TSPOAP1: variants seen among roughly 807,000 people sequenced by gnomAD.
TSPOAP1 encodes the protein TSPO associated protein 1.
Under a neutral mutation model 197.0 loss-of-function variants are expected in TSPOAP1, and 87 were observed. The ratio of observed to expected loss-of-function variants is 0.44; its 90% CI spans 0.37 to 0.53. The LOEUF (loss-of-function observed/expected upper bound fraction) is 0.53. Ranked by LOEUF, TSPOAP1 falls within the 20% of genes least tolerant of loss-of-function variation. The pLI, the probability that TSPOAP1 is intolerant of heterozygous loss-of-function variation, is 0.00. For missense variants in TSPOAP1, 2,174 were observed against 2,411.3 expected (o/e 0.90, Z 2.06); for synonymous variants, 913 against 998.9 (o/e 0.91, Z 1.62).
chr17:58,318,530 A>T, intron 13 of TSPOAP1, 78 bp from the exon 14 acceptor site: 1 of 1,427,538 alleles, frequency 7.0e-7, no homozygotes, highest in Non-Finnish European at 9.4e-7. Context: ...CTTCTTGGAT[A>T]TGGGGACCAG....
Position 58,322,034 on chromosome 17 carries a change from G to A in TSPOAP1, c.1422+274C>T, listed in dbSNP as rs1427242440. On this transcript the variant is annotated intron_variant, in intron 10 of 31. Transcript: ENST00000343736. The surrounding 1 kb of genome is among the most constrained non-coding windows in gnomAD (Gnocchi z 5.0). Reference sequence around the variant, plus strand: ...CAAGGTCAATTGTCACCTCCTCAGGGAGGCCTTCCCTGATGACCTCTAAAG... The same window carrying A: ...CAAGGTCAATTGTCACCTCCTCAGGAAGGCCTTCCCTGATGACCTCTAAAG... 1.1e-5 allele frequency: 5 copies of A among 436,636 alleles called. No homozygotes were observed. Among genetic ancestry groups the A allele is most frequent in the Non-Finnish European group, 2.0e-5 (5 of 244,698 alleles). 27.0% of individuals were successfully genotyped at this position (436,636 alleles called of 1,614,324 possible). A position where few individuals can be genotyped will look rare whatever the true frequency, so the allele number is the denominator to read the frequency against.
chr17:58,309,862 GAAT>G lies in TSPOAP1; in HGVS notation c.3891+102_3891+104del. The G allele has an allele frequency of 7.1e-7, 1 of 1,416,842 alleles. No homozygotes were observed. The highest frequency in any genetic ancestry group is 9.5e-7 in the Non-Finnish European group (1 of 1,047,526). The allele number at this position is 1,416,842 out of a possible 1,614,324, so 87.8% of individuals were successfully genotyped here. ...GGACAGGGCCCAGGCCACAGACCTAGAATGTTTCTGGCACTCAGTGGTGGTCAG... is the reference window on the plus strand; with the variant it reads ...GGACAGGGCCCAGGCCACAGACCTAGGTTTCTGGCACTCAGTGGTGGTCAG... On this transcript the variant is annotated intron_variant, in intron 21 of 31. Coordinates refer to ENST00000343736, the MANE Select transcript of TSPOAP1 (RefSeq NM_004758.4). This position sits in a 1 kb window ranked among gnomAD's most constrained non-coding sequence, Gnocchi z 5.0.
chr17:58,306,726 A>C, intron 25 of TSPOAP1, 74 bp downstream of exon 25: 1 of 1,541,164 alleles, frequency 6.5e-7, no homozygotes, highest in Non-Finnish European at 8.8e-7. Flanking sequence ...CCCCAGACAC[A>C]ACAATTGCTC....
intron 26 of TSPOAP1, 87 bp downstream of exon 26, chr17:58,306,255 A>G: frequency 7.7e-7 from 1 of 1,293,844 alleles, no homozygotes; most frequent in Non-Finnish European, 1.1e-6. Context: ...TCCTCCCAGC[A>G]CCTGAGAGAA....
In TSPOAP1 at chr17:58,311,173, A is replaced by G; in HGVS notation, c.3122T>C (p.Val1041Ala). ...CAGCAGCTGCAGCTGGGACAACTCC[A>G]CCAGTACACTGCCTGCCGTGGGTGA... ...VASPTAGSVL[V>A]ELSQLQLLQV... The change falls in exon 19 of 32, where the codon GTG becomes GCG. Residue 1041 changes from valine (V) to alanine (A), a missense_variant. Transcript: ENST00000343736. 6.2e-7 allele frequency: 1 copy of G among 1,611,808 alleles called. No homozygotes were observed.
At position 58,327,830 on chromosome 17, in the gene TSPOAP1, G is replaced by A. The variant is rs1387680674; in HGVS notation, c.91C>T (p.Arg31Ter). Residue 31 changes from arginine to a stop codon, truncating the protein, a stop_gained, in exon 1 of 32, where the codon CGA becomes TGA. Transcript: ENST00000343736. LOFTEE classifies it high-confidence loss of function. ...LPTWHSWTPG[R>*]GGEPSSAAPS... ...GCTGCACTGCTAGGTTCACCCCCTCGACCTGGAGTCCAGCTATGCCAGGTG... is the reference window on the plus strand; with the variant it reads ...GCTGCACTGCTAGGTTCACCCCCTCAACCTGGAGTCCAGCTATGCCAGGTG... 5 of 1,613,870 alleles carry A rather than the reference G, an allele frequency of 3.1e-6. No homozygotes were observed. Among genetic ancestry groups the A allele is most frequent in the East Asian group, 2.2e-5 (1 of 44,884 alleles).
At position 58,304,752 on chromosome 17, in the gene TSPOAP1, G is replaced by A. The variant is rs1234754361; in HGVS notation, c.5544+309C>T. On this transcript the variant is annotated intron_variant, in intron 30 of 31. Coordinates refer to ENST00000343736, the MANE Select transcript of TSPOAP1 (RefSeq NM_004758.4). This position sits in a 1 kb window ranked among gnomAD's most constrained non-coding sequence, Gnocchi z 4.2. ...AAACAGGGACTTTGATTGGCCACAG[G>A]TGTGAGGCAGAGGGGTCCTTTTCCA... 1 of 579,460 alleles carries A rather than the reference G, an allele frequency of 1.7e-6. No homozygotes were observed. Among genetic ancestry groups the A allele is most frequent in the Non-Finnish European group, 3.1e-6 (1 of 318,400 alleles). 35.9% of individuals were successfully genotyped at this position (579,460 alleles called of 1,614,324 possible). A position where few individuals can be genotyped will look rare whatever the true frequency, so the allele number is the denominator to read the frequency against.
Position 58,311,721 on chromosome 17 carries a change from G to T in TSPOAP1, c.2931C>A (p.Gly977=). The part of the protein sequence containing the change: ...ATLQFTTLPA[G]PPDAPLDVQI... ...GCACATCCAGAGGGGCATCAGGTGG[G>T]CCTGGGGGCAGGGGGGCACAAGACC... The change falls in exon 18 of 32, where the codon GGC becomes GGA. Residue 977 remains glycine, a splice_region_variant and synonymous_variant. Coordinates refer to ENST00000343736, the MANE Select transcript of TSPOAP1 (RefSeq NM_004758.4). 6.4e-7 allele frequency: 1 copy of T among 1,566,362 alleles called. No homozygotes were observed. The highest frequency in any genetic ancestry group is 1.2e-5 in the South Asian group (1 of 84,716).
Position 58,301,632 on chromosome 17 carries a change from G to T in TSPOAP1, c.*848C>A, listed in dbSNP as rs554971404. On this transcript the variant is annotated 3_prime_UTR_variant, in exon 32 of 32. Coordinates refer to ENST00000343736, the MANE Select transcript of TSPOAP1 (RefSeq NM_004758.4). ...GACCTTACAGGGGCCAGCAGGCCCC[G>T]GCAGGGAAGGATGGAGCACGACGGG... 3 of 152,816 alleles carry T rather than the reference G, an allele frequency of 2.0e-5. No homozygotes were observed. In the South Asian group the frequency reaches 6.2e-4, roughly 32 times the overall value. 9.5% of individuals were successfully genotyped at this position (152,816 alleles called of 1,614,324 possible).
At position 58,309,959 on chromosome 17, in the gene TSPOAP1, C is replaced by G. The variant is rs1292596707; in HGVS notation, c.3891+8G>C. The stretch of plus-strand genomic sequence containing the variant: ...CTGGGGCCCAACAGCCCATCCCTAC[C>G]CCGTTACCTTGGCCCCATTCTCCCT... On this transcript the variant is annotated splice_region_variant and intron_variant, in intron 21 of 31. Coordinates refer to ENST00000343736, the MANE Select transcript of TSPOAP1 (RefSeq NM_004758.4). The surrounding 1 kb of genome is among the most constrained non-coding windows in gnomAD (Gnocchi z 5.0). 2.7e-5 allele frequency: 44 copies of G among 1,605,440 alleles called. No individual in the cohort carries two copies. The highest frequency in any genetic ancestry group is 3.1e-5 in the Non-Finnish European group (37 of 1,175,368).
At chr17:58,323,971 T>A (rs544931950) in intron 5 of TSPOAP1, among the ~76,000 whole-genome samples, 125 of 152,154 alleles carry the variant, frequency 8.2e-4, no homozygotes, top group Admixed American at 2.0e-3. Context: ...TTCTGTATCA[T>A]CCAAATCTGG....
At chr17:58,311,247 G>C (rs1379703206) in intron 18 of TSPOAP1, 34 bp from the exon 19 acceptor site, 3 of 1,602,428 alleles carry the variant, frequency 1.9e-6, no homozygotes, top group Non-Finnish European at 2.5e-6. Context: ...ATGGGAAGCA[G>C]AGGCTGAGAC....
In TSPOAP1 at chr17:58,326,898, G is replaced by C. The variant is rs1485319496; in HGVS notation, c.334-108C>G. On this transcript the variant is annotated intron_variant, in intron 1 of 31. Transcript: ENST00000343736. The surrounding 1 kb of genome is among the most constrained non-coding windows in gnomAD (Gnocchi z 4.7). ...CCATGGTCCAAGGAGACATGGAGAT[G>C]AAACGGTTTCCCCTATGTCCCAGGC... 5 of 940,590 alleles carry C rather than the reference G, an allele frequency of 5.3e-6. No individual in the cohort carries two copies. In the East Asian group the frequency reaches 1.3e-4, roughly 24 times the overall value. The allele number at this position is 940,590 out of a possible 1,614,324, so 58.3% of individuals were successfully genotyped here.
rs1185466980 is a variant in TSPOAP1, at chr17:58,324,498, C to A, written c.942+313G>T. ...GCGCGGGCTGGGCCCCGGGCGGCTG[C>A]CAGGACAACCAGGGATTTGCGGCCG... On this transcript the variant is annotated intron_variant, in intron 5 of 31. Coordinates refer to ENST00000343736, the MANE Select transcript of TSPOAP1 (RefSeq NM_004758.4). This position sits in a 1 kb window ranked among gnomAD's most constrained non-coding sequence, Gnocchi z 5.8. Among the ~76,000 whole-genome samples the A allele has an allele frequency of 6.6e-6, 1 of 151,836 alleles. No homozygotes were observed. The highest frequency in any genetic ancestry group is 2.4e-5 in the African/African-American group (1 of 41,390).
Position 58,305,612 on chromosome 17 carries a change from C to T in TSPOAP1, c.5289G>A (p.Leu1763=). Residue 1763 remains leucine (L), a synonymous_variant, in exon 28 of 32, where the codon CTG becomes CTA. Transcript: ENST00000343736. ...GPPKLVPSAD[L]KAPHSMVAAF... ...CAGCCACCATGGAGTGGGGAGCTTT[C>T]AGGTCAGCAGAGGGGACCAGCTTAG... The T allele has an allele frequency of 6.4e-7, 1 of 1,557,778 alleles. No homozygotes were observed. Among genetic ancestry groups the T allele is most frequent in the South Asian group, 1.2e-5 (1 of 81,054 alleles).
At position 58,320,563 on chromosome 17, in the gene TSPOAP1, T is replaced by C; in HGVS notation, c.1441A>G (p.Arg481Gly). 6.8e-7 allele frequency: 1 copy of C among 1,469,940 alleles called. No individual in the cohort carries two copies. Among genetic ancestry groups the C allele is most frequent in the Non-Finnish European group, 9.0e-7 (1 of 1,109,408 alleles). 91.1% of individuals were successfully genotyped at this position (1,469,940 alleles called of 1,614,324 possible). Residue 481 changes from arginine (R) to glycine (G), a missense_variant, in exon 11 of 32, where the codon AGG becomes GGG. By Grantham distance (125) the Arg-to-Gly change is moderately radical (BLOSUM62 -2). Around this residue, in one of 5 missense-constraint regions of TSPOAP1, gnomAD observed 1,933 missense variants for 2,139.0 expected, o/e 0.90. Coordinates refer to ENST00000343736, the MANE Select transcript of TSPOAP1 (RefSeq NM_004758.4). ...AGCTGCACGGCTCCTTCATGTTCCC[T>C]CTGGGCTTCAGCCTGGGCCTACAGG... ...RLQQAQAEAQ[R>G]EHEGAVQLLE...
At chr17:58,320,268 G>T in intron 11 of TSPOAP1, 139 bp from the exon 12 acceptor site, 3 of 1,114,382 alleles carry the variant, frequency 2.7e-6, no homozygotes, top group South Asian at 1.4e-5. Flanking sequence ...TTCCTAAATG[G>T]AAGGATATCT....
In TSPOAP1 at chr17:58,305,443, G is replaced by T; in HGVS notation, c.5377C>A (p.Arg1793=). 6.2e-7 allele frequency: 1 copy of T among 1,613,902 alleles called. No homozygotes were observed. Among genetic ancestry groups the T allele is most frequent in the Non-Finnish European group, 8.5e-7 (1 of 1,179,874 alleles). ...NMDVEAELPF[R]AGDVITVFGG... ...AACACAGTAATGACATCCCCTGCCC[G>T]GAAGGGCAGCTCTGCCTGTGGAAAA... The change falls in exon 29 of 32, where the codon CGG becomes AGG. Residue 1793 remains arginine (R), a synonymous_variant. Coordinates refer to ENST00000343736, the MANE Select transcript of TSPOAP1 (RefSeq NM_004758.4).
At position 58,328,039 on chromosome 17, in the gene TSPOAP1, C is replaced by T; in HGVS notation, c.-119G>A. 1 of 948,092 alleles carries T rather than the reference C, an allele frequency of 1.1e-6. No individual in the cohort carries two copies. Among genetic ancestry groups the T allele is most frequent in the Admixed American group, 2.9e-5 (1 of 34,748 alleles). 58.7% of individuals were successfully genotyped at this position (948,092 alleles called of 1,614,324 possible). On this transcript the variant is annotated 5_prime_UTR_variant, in exon 1 of 32. Transcript: ENST00000343736. This position sits in a 1 kb window ranked among gnomAD's most constrained non-coding sequence, Gnocchi z 4.3. ...CCTCTGAGCTCTTGCTTCACCGACGCTCCATCCAAGGTTGGCTGAGCTCTT... is the reference window on the plus strand; with the variant it reads ...CCTCTGAGCTCTTGCTTCACCGACGTTCCATCCAAGGTTGGCTGAGCTCTT...
Sources: gnomAD v4.1 joint callset for allele counts (sites outside exome capture counted in the v4.1 genomes callset) on GRCh38, gnomAD v4.1.1 for gene constraint, gnomAD v4.1.1 regional missense constraint, Gnocchi (gnomAD v3.1) non-coding constraint, MANE v1.5 for transcripts, NCBI Gene and HGNC (gene_info 2026-07-23, HGNC 2026-07-21) for gene names.